MARCHF1: variants seen among roughly 807,000 people sequenced by gnomAD.
The protein encoded by MARCHF1 is E3 ubiquitin-protein ligase MARCHF1.
Under a neutral mutation model 54.2 loss-of-function variants are expected in MARCHF1, and 40 were observed. That is an observed-to-expected ratio of 0.74 (90% confidence interval 0.57 to 0.96). The LOEUF (loss-of-function observed/expected upper bound fraction) is 0.96, where lower values mean the gene tolerates loss of function less well. Among genes scored for constraint, MARCHF1 ranks in the 40% least tolerant of loss-of-function variants. The pLI is 0.00. For missense variants in MARCHF1, 586 were observed against 656.5 expected, an observed-to-expected ratio of 0.89 and a Z score of 1.17; for synonymous variants, 236 against 236.3, an observed-to-expected ratio of 1.00 and a Z score of 0.01.
chr4:164,171,095 A>G (rs186355444), intron 1 of MARCHF1, among the ~76,000 whole-genome samples: 19 of 152,312 alleles, frequency 1.2e-4, no homozygotes, highest in African/African-American at 2.9e-4. Flanking sequence ...TTATCATTCA[A>G]TAAATATTGC....
chr4:164,025,065 C>CA (rs1364554577), intron 2 of MARCHF1, among the ~76,000 whole-genome samples: 2 of 149,178 alleles, frequency 1.3e-5, no homozygotes, highest in Non-Finnish European at 3.0e-5. Context: ...CCCATTGGAG[C>CA]ACCCAGATTA....
chr4:163,931,779 G>A (rs1388788892), intron 3 of MARCHF1, among the ~76,000 whole-genome samples: 1 of 152,122 alleles, frequency 6.6e-6, no homozygotes, highest in Non-Finnish European at 1.5e-5. Context: ...ATTCTTCCAA[G>A]AAGACACACT....
intron 2 of MARCHF1, among the ~76,000 whole-genome samples, chr4:164,041,813 T>C (rs1042444879): frequency 2.0e-5 from 3 of 152,166 alleles, no homozygotes; most frequent in Non-Finnish European, 2.9e-5. Flanking sequence ...GAAGCATTGA[T>C]CTAAAGATGC....
At chr4:163,601,187 T>C (rs1740951992) in intron 7 of MARCHF1, among the ~76,000 whole-genome samples, 1 of 152,192 alleles carries the variant, frequency 6.6e-6, no homozygotes, top group Non-Finnish European at 1.5e-5. Context: ...AGAACCTAAC[T>C]GTGGTAATTA....
At chr4:164,228,770 T>C (rs572731675) in intron 1 of MARCHF1, among the ~76,000 whole-genome samples, 21 of 152,318 alleles carry the variant, frequency 1.4e-4, no homozygotes, top group Admixed American at 3.9e-4. Context: ...GGTGAAAATC[T>C]ATTGGCTTTC....
Position 164,078,077 on chromosome 4 carries a change from C to T in MARCHF1, c.-248+33511G>A, listed in dbSNP as rs527913665. The stretch of plus-strand genomic sequence containing the variant: ...AATCATTCCACTATAAAGACACATG[C>T]ACACGTATGTTTATTGCAGCGCTGT... On this transcript the variant is annotated intron_variant, in intron 2 of 9. Coordinates refer to ENST00000514618, the MANE Select transcript of MARCHF1 (RefSeq NM_001394959.1). Among the ~76,000 whole-genome samples the T allele has an allele frequency of 2.6e-5, 4 of 152,288 alleles. No homozygotes were observed. In the South Asian group the frequency reaches 8.3e-4, roughly 32 times the overall value.
intron 2 of MARCHF1, among the ~76,000 whole-genome samples, chr4:164,081,206 T>C (rs1755090538): frequency 7.2e-4 from 2 of 2,766 alleles, no homozygotes; most frequent in Admixed American, 7.0e-3. Flanking sequence ...AGACGCTGTC[T>C]CAAAAAAAAA....
In MARCHF1 at chr4:163,528,106, G is replaced by A. The variant is rs971313961; in HGVS notation, c.*642C>T. 4.6e-5 allele frequency: 7 copies of A among 152,392 alleles called. No homozygotes were observed. The highest frequency in any genetic ancestry group is 1.2e-4 in the African/African-American group (5 of 41,376). 9.4% of individuals were successfully genotyped at this position (152,392 alleles called of 1,614,324 possible). A position where few individuals can be genotyped will look rare whatever the true frequency, so the allele number is the denominator to read the frequency against. On this transcript the variant is annotated 3_prime_UTR_variant, in exon 10 of 10. Coordinates refer to ENST00000514618, the MANE Select transcript of MARCHF1 (RefSeq NM_001394959.1). ...CGAACATTTTCTGAAAATCTTTTGC[G>A]TGACTTAAACAAACGTAATTAATTC...
chr4:163,851,962 TA>T (rs1467171343), intron 4 of MARCHF1, among the ~76,000 whole-genome samples: 2 of 152,222 alleles, frequency 1.3e-5, no homozygotes, highest in African/African-American at 4.8e-5. Flanking sequence ...TCTCTTATTT[TA>T]TATGTTAAGA....
chr4:163,609,662 A>G (rs1741265850), intron 7 of MARCHF1, among the ~76,000 whole-genome samples: 1 of 150,864 alleles, frequency 6.6e-6, no homozygotes, highest in African/African-American at 2.4e-5. Context: ...ACACGTATAT[A>G]TTTATATACA....
At chr4:164,025,683 C>G (rs1288908818) in intron 2 of MARCHF1, among the ~76,000 whole-genome samples, 1 of 150,598 alleles carries the variant, frequency 6.6e-6, no homozygotes, top group Non-Finnish European at 1.5e-5. Flanking sequence ...AACAACAAAC[C>G]AGCCAACCCC....
Position 164,171,278 on chromosome 4 carries a change from A to T in MARCHF1, c.-322-59616T>A, listed in dbSNP as rs887747366. 2.4e-4 allele frequency among the ~76,000 whole-genome samples: 36 copies of T among 152,162 alleles called. 1 individual carries two copies. Among genetic ancestry groups the T allele is most frequent in the African/African-American group, 2.4e-5 (1 of 41,456 alleles). ...AATTCCATCATCATAAGTGATACAA[A>T]GAGCATGTGATTATTCATGAGCTTG... On this transcript the variant is annotated intron_variant, in intron 1 of 9. Coordinates refer to ENST00000514618, the MANE Select transcript of MARCHF1 (RefSeq NM_001394959.1).
At chr4:164,195,892 A>G (rs1385806497) in intron 1 of MARCHF1, among the ~76,000 whole-genome samples, 1 of 110,436 alleles carries the variant, frequency 9.1e-6, no homozygotes, top group Non-Finnish European at 1.7e-5. Flanking sequence ...TTGGGACTTA[A>G]AAAATGATAC....
chr4:164,274,673 T>C lies in MARCHF1; in HGVS notation c.-323+109197A>G, dbSNP rs1188738448. On this transcript the variant is annotated intron_variant, in intron 1 of 9. Coordinates refer to ENST00000514618, the MANE Select transcript of MARCHF1 (RefSeq NM_001394959.1). The stretch of plus-strand genomic sequence containing the variant: ...TTCAGGGTACACTTTTTTTTTTTTT[T>C]TTTTTTTTTTTTTTTTTTTTTTAGA... Among the ~76,000 whole-genome samples, 350 of 117,456 alleles carry C rather than the reference T, an allele frequency of 3.0e-3. 29 individuals are homozygous for C. The highest frequency in any genetic ancestry group is 0.011 in the African/African-American group (319 of 29,372). 77.1% of individuals were successfully genotyped at this position (117,456 alleles called of 152,430 possible).
intron 2 of MARCHF1, among the ~76,000 whole-genome samples, chr4:164,059,956 T>A (rs1754579794): frequency 6.6e-6 from 1 of 152,160 alleles, no homozygotes; most frequent in African/African-American, 2.4e-5. Context: ...GGCCTGCCGC[T>A]TAGTATTGAT....
intron 5 of MARCHF1, among the ~76,000 whole-genome samples, chr4:163,693,505 A>G (rs1744526774): frequency 6.6e-6 from 1 of 151,448 alleles, no homozygotes; most frequent in Non-Finnish European, 1.5e-5. Flanking sequence ...CCACAGCAAT[A>G]ATAAATGGCA....
chr4:164,027,555 G>T lies in MARCHF1; in HGVS notation c.-247-38846C>A, dbSNP rs10034802. On this transcript the variant is annotated intron_variant, in intron 2 of 9. Coordinates refer to ENST00000514618, the MANE Select transcript of MARCHF1 (RefSeq NM_001394959.1). ...GATAACTGGCTAGCCATATGCAGAA[G>T]AATGAAACTGTACCCCTACATTTTA... Among the ~76,000 whole-genome samples, 289 of 151,816 alleles carry T rather than the reference G, an allele frequency of 1.9e-3. 2 individuals carry two copies. Among genetic ancestry groups the T allele is most frequent in the African/African-American group, 6.9e-3 (287 of 41,450 alleles).
intron 3 of MARCHF1, among the ~76,000 whole-genome samples, chr4:163,961,049 C>A (rs1752337357): frequency 6.6e-6 from 1 of 151,768 alleles, no homozygotes; most frequent in African/African-American, 2.4e-5. Flanking sequence ...TATGAGGACC[C>A]AACCCTGTTG....
intron 1 of MARCHF1, chr4:164,190,394 A>G (rs186293553): frequency 6.2e-6 from 3 of 482,558 alleles, no homozygotes; most frequent in Non-Finnish European, 1.1e-5. Context: ...CTTTCCTTAG[A>G]AAAAAAATGA....
Sources: gnomAD v4.1 joint callset for allele counts (sites outside exome capture counted in the v4.1 genomes callset) on GRCh38, gnomAD v4.1.1 for gene constraint, MANE v1.5 for transcripts, NCBI Gene and HGNC (gene_info 2026-07-23, HGNC 2026-07-21) for gene names.